Variants in PGGT1B observed in about 807,000 individuals in gnomAD.
PGGT1B encodes the protein geranylgeranyl transferase type-1 subunit beta.
PGGT1B carries 30 observed loss-of-function variants against 46.1 expected under a neutral mutation model. The ratio of observed to expected loss-of-function variants is 0.65; its 90% CI spans 0.49 to 0.88. The LOEUF (loss-of-function observed/expected upper bound fraction) is 0.88. Among genes scored for constraint, PGGT1B ranks in the 40% least tolerant of loss-of-function variants. The pLI is 0.00. For missense variants in PGGT1B, 376 were observed against 455.9 expected, an observed-to-expected ratio of 0.82 and a Z score of 1.60; for synonymous variants, 170 against 160.0, an observed-to-expected ratio of 1.06 and a Z score of -0.47.
intron 8 of PGGT1B, among the ~76,000 whole-genome samples, chr5:115,214,911 T>G (rs1172902281): frequency 2.0e-5 from 3 of 152,252 alleles, no homozygotes; most frequent in Admixed American, 2.0e-4. Flanking sequence ...TTCAAGATAT[T>G]ATTTTGCTTG....
At chr5:115,236,751 T>C (rs1457032918) in intron 4 of PGGT1B, among the ~76,000 whole-genome samples, 1 of 152,168 alleles carries the variant, frequency 6.6e-6, no homozygotes, top group Non-Finnish European at 1.5e-5. Flanking sequence ...TTTTGACTTC[T>C]TGGTATTTTT....
chr5:115,242,559 A>C (rs1757379198), intron 2 of PGGT1B, among the ~76,000 whole-genome samples: 1 of 152,178 alleles, frequency 6.6e-6, no homozygotes, highest in Admixed American at 6.5e-5. Context: ...TTATCCCCCC[A>C]AAAAACTTAA....
At chr5:115,254,859 A>G (rs1580781083) in intron 1 of PGGT1B, among the ~76,000 whole-genome samples, 2 of 152,080 alleles carry the variant, frequency 1.3e-5, no homozygotes, top group East Asian at 3.8e-4. Context: ...AATCCTAACA[A>G]CACACTGAGA....
At chr5:115,257,122 A>G (rs533694185) in intron 1 of PGGT1B, among the ~76,000 whole-genome samples, 2 of 152,302 alleles carry the variant, frequency 1.3e-5, no homozygotes, top group East Asian at 3.9e-4. Flanking sequence ...TTGCTTTACC[A>G]AAGAATCAAT....
At chr5:115,219,274 A>C (rs1756516914) in intron 7 of PGGT1B, among the ~76,000 whole-genome samples, 1 of 151,898 alleles carries the variant, frequency 6.6e-6, no homozygotes, top group African/African-American at 2.4e-5. Context: ...GAATAAAATA[A>C]GACGTCCAGA....
intron 1 of PGGT1B, among the ~76,000 whole-genome samples, chr5:115,253,589 A>C (rs866338410): frequency 1.3e-5 from 2 of 152,064 alleles, no homozygotes; most frequent in South Asian, 4.1e-4. Context: ...ATCAGTACAA[A>C]TAGTACAGGA....
intron 7 of PGGT1B, among the ~76,000 whole-genome samples, chr5:115,218,491 C>CA (rs11345719): frequency 0.08 from 9,062 of 112,736 alleles, 440 homozygotes; most frequent in African/African-American, 0.15. Flanking sequence ...CAATGATTCT[C>CA]AAAAAAAAAA....
intron 1 of PGGT1B, among the ~76,000 whole-genome samples, chr5:115,259,692 A>C (rs1748470548): frequency 6.7e-6 from 1 of 149,566 alleles, no homozygotes; most frequent in Non-Finnish European, 1.5e-5. Context: ...TCTCAAAAAA[A>C]AAAAAAAAAA....
intron 2 of PGGT1B, among the ~76,000 whole-genome samples, chr5:115,243,920 T>C (rs1352022317): frequency 6.6e-6 from 1 of 152,188 alleles, no homozygotes; most frequent in East Asian, 1.9e-4. Flanking sequence ...AGACCCTCTC[T>C]ACCTTCTCTT....
chr5:115,257,245 G>A (rs1350972212), intron 1 of PGGT1B, among the ~76,000 whole-genome samples: 1 of 152,138 alleles, frequency 6.6e-6, no homozygotes, highest in African/African-American at 2.4e-5. Context: ...GGGCGCAGTG[G>A]CTCACTCCTG....
intron 2 of PGGT1B, among the ~76,000 whole-genome samples, chr5:115,245,947 A>G (rs1747814440): frequency 6.6e-6 from 1 of 152,248 alleles, no homozygotes; most frequent in African/African-American, 2.4e-5. Context: ...GAAGTAACTA[A>G]GAAATCAAGA....
chr5:115,239,050 T>G (rs1338506447), intron 3 of PGGT1B, among the ~76,000 whole-genome samples: 1 of 152,128 alleles, frequency 6.6e-6, no homozygotes, highest in East Asian at 1.9e-4. Context: ...ATACACATTT[T>G]TTTTTTTGAG....
chr5:115,262,536 C>T (rs1475869755), intron 1 of PGGT1B, 176 bp downstream of exon 1: 1 of 682,448 alleles, frequency 1.5e-6, no homozygotes. Flanking sequence ...CCTTCCAGAC[C>T]TTCCCACCGT....
chr5:115,243,029 A>C (rs940029950), intron 2 of PGGT1B, among the ~76,000 whole-genome samples: 1 of 152,166 alleles, frequency 6.6e-6, no homozygotes, highest in Non-Finnish European at 1.5e-5. Flanking sequence ...TATCCTAAGG[A>C]CTTTTAAATT....
chr5:115,260,428 TA>T (rs1748505908), intron 1 of PGGT1B, among the ~76,000 whole-genome samples: 1 of 152,056 alleles, frequency 6.6e-6, no homozygotes, highest in Non-Finnish European at 1.5e-5. Context: ...CAATACCAGG[TA>T]AGAGTTGTGG....
At chr5:115,242,464 G>A (rs1561481291) in intron 2 of PGGT1B, among the ~76,000 whole-genome samples, 3 of 152,150 alleles carry the variant, frequency 2.0e-5, no homozygotes, top group Admixed American at 1.3e-4. Context: ...CTTCATAAGA[G>A]ATTATGACTA....
intron 6 of PGGT1B, among the ~76,000 whole-genome samples, chr5:115,230,412 G>A (rs1756939522): frequency 6.6e-6 from 1 of 152,058 alleles, no homozygotes; most frequent in South Asian, 2.1e-4. Context: ...CAACTTGAGA[G>A]AATTCAGGCT....
In PGGT1B at chr5:115,209,998, T is replaced by G. The variant is rs1037282719; in HGVS notation, c.*2404A>C. The stretch of plus-strand genomic sequence containing the variant: ...ATGATCAGGTCCAACAGTTTTCAAA[T>G]TATATACCACTGTCAGCAAGATTTC... On this transcript the variant is annotated 3_prime_UTR_variant, in exon 9 of 9. Coordinates refer to ENST00000419445, the MANE Select transcript of PGGT1B (RefSeq NM_005023.4). 1.3e-5 allele frequency: 2 copies of G among 152,130 alleles called. No homozygotes were observed. The highest frequency in any genetic ancestry group is 4.8e-5 in the African/African-American group (2 of 41,430). 9.4% of individuals were successfully genotyped at this position (152,130 alleles called of 1,614,324 possible).
At chr5:115,236,755 T>G (rs1422354327) in intron 4 of PGGT1B, among the ~76,000 whole-genome samples, 1 of 152,188 alleles carries the variant, frequency 6.6e-6, no homozygotes, top group Non-Finnish European at 1.5e-5. Context: ...GACTTCTTGG[T>G]ATTTTTACAC....
Sources: allele counts gnomAD v4.1 joint callset (sites outside exome capture counted in the v4.1 genomes callset), GRCh38; gene constraint gnomAD v4.1.1; transcripts MANE v1.5; gene names NCBI Gene and HGNC (gene_info 2026-07-23, HGNC 2026-07-21).